The following CPD variants were observed in gnomAD, a reference collection of about 807,000 sequenced individuals.
CPD encodes metallocarboxypeptidase D.
Under a neutral mutation model 138.3 loss-of-function variants are expected in CPD, and 69 were observed. The ratio of observed to expected loss-of-function variants is 0.50; its 90% CI spans 0.41 to 0.61. The LOEUF (loss-of-function observed/expected upper bound fraction) is 0.61. Among genes scored for constraint, CPD ranks in the 20% least tolerant of loss-of-function variants. CPD has a pLI of 0.00. For synonymous variants in CPD, 651 were observed against 642.1 expected (o/e 1.01, Z -0.21); for missense variants, 1,432 against 1,733.3 (o/e 0.83, Z 3.09).
In CPD at chr17:30,379,642, C is replaced by T. The variant is rs1450226279; in HGVS notation, c.662C>T (p.Pro221Leu). ...SRGRDLNRSF[P>L]DQFSTGEPPA... ...GGCCGCGACCTCAACCGAAGCTTTC[C>T]CGACCAGTTTAGCACCGGCGAACCC... The change falls in exon 1 of 21, where the codon CCC becomes CTC. Residue 221 changes from proline to leucine, a missense_variant. By Grantham distance (98) the Pro-to-Leu change is moderately conservative. Coordinates refer to ENST00000225719, the MANE Select transcript of CPD (RefSeq NM_001304.5). This position sits in a 1 kb window ranked among gnomAD's most constrained non-coding sequence, Gnocchi z 7.0. 2 of 1,514,668 alleles carry T rather than the reference C, an allele frequency of 1.3e-6. No homozygotes were observed. The highest frequency in any genetic ancestry group is 1.7e-6 in the Non-Finnish European group (2 of 1,147,422). The allele number at this position is 1,514,668 out of a possible 1,614,324, so 93.8% of individuals were successfully genotyped here.
chr17:30,426,419 G>A (rs1567875916), intron 6 of CPD, among the ~76,000 whole-genome samples: 1 of 152,188 alleles, frequency 6.6e-6, no homozygotes, highest in Non-Finnish European at 1.5e-5. Flanking sequence ...ACTAGAGAAT[G>A]GGTTGATTGG....
chr17:30,405,884 GA>G (rs1911789671), intron 2 of CPD, among the ~76,000 whole-genome samples: 1 of 151,854 alleles, frequency 6.6e-6, no homozygotes, highest in Non-Finnish European at 1.5e-5. Flanking sequence ...TTAATTTGGG[GA>G]AATTTGATAT....
intron 17 of CPD, among the ~76,000 whole-genome samples, chr17:30,458,449 G>T (rs189833261): frequency 6.6e-6 from 1 of 152,184 alleles, no homozygotes; most frequent in African/African-American, 2.4e-5. Context: ...AAGATGCCCC[G>T]CCCCACCCCA....
chr17:30,405,136 T>C (rs1439298195), intron 2 of CPD, among the ~76,000 whole-genome samples: 4 of 152,144 alleles, frequency 2.6e-5, no homozygotes, highest in Admixed American at 2.6e-4. Flanking sequence ...AAACCGTCTG[T>C]GGTCTTTCCC....
Position 30,466,856 on chromosome 17 carries a change from G to A in CPD, c.*2042G>A, listed in dbSNP as rs1913655335. 1 of 152,284 alleles carries A rather than the reference G, an allele frequency of 6.6e-6. No homozygotes were observed. The highest frequency in any genetic ancestry group is 1.5e-5 in the Non-Finnish European group (1 of 68,016). 9.4% of individuals were successfully genotyped at this position (152,284 alleles called of 1,614,324 possible). A position where few individuals can be genotyped will look rare whatever the true frequency, so the allele number is the denominator to read the frequency against. On this transcript the variant is annotated 3_prime_UTR_variant, in exon 21 of 21. Coordinates refer to ENST00000225719, the MANE Select transcript of CPD (RefSeq NM_001304.5). ...GCTGGAGGCCATGCCTTTTAAGCAT[G>A]TGTAAAATTTTTAAAGAAATGAACA...
chr17:30,393,233 A>G (rs1354460310), intron 2 of CPD, among the ~76,000 whole-genome samples: 2 of 152,230 alleles, frequency 1.3e-5, no homozygotes, highest in Non-Finnish European at 2.9e-5. Flanking sequence ...CAGACTGAGC[A>G]GTAGCAGTGT....
chr17:30,391,591 G>A (rs1394454150), intron 2 of CPD, among the ~76,000 whole-genome samples: 1 of 152,176 alleles, frequency 6.6e-6, no homozygotes, highest in Non-Finnish European at 1.5e-5. Context: ...GCAGTGCAAT[G>A]TAGTGGCAAA....
At chr17:30,461,115 C>A in intron 17 of CPD, 65 bp from the exon 18 acceptor site, 1 of 1,310,086 alleles carries the variant, frequency 7.6e-7, no homozygotes, top group South Asian at 1.6e-5. Flanking sequence ...TGTTGTATTA[C>A]AAAGCCTTAT....
At chr17:30,380,234 G>A in intron 1 of CPD, 1 of 171,616 alleles carries the variant, frequency 5.8e-6, no homozygotes. Context: ...GATTTACATA[G>A]GAGTGTGGCT....
At position 30,385,149 on chromosome 17, in the gene CPD, A is replaced by G; in HGVS notation, c.907A>G (p.Lys303Glu). ...KAYASNHPIMKTGEPHCPGDE... is the reference protein window; with the variant it reads ...KAYASNHPIMETGEPHCPGDE... The stretch of plus-strand genomic sequence containing the variant: ...TTATGCTTCAAACCACCCCATAATG[A>G]AAACTGGTGAGCCTCATTGTCCAGG... Residue 303 changes from lysine (K) to glutamate (E), a missense_variant, in exon 2 of 21, where the codon AAA becomes GAA. Around this residue, in one of 6 missense-constraint regions of CPD, gnomAD observed 484 missense variants for 477.2 expected, o/e 1.01. Coordinates refer to ENST00000225719, the MANE Select transcript of CPD (RefSeq NM_001304.5). 6.2e-7 allele frequency: 1 copy of G among 1,614,092 alleles called. No individual in the cohort carries two copies.
rs751850255 is a variant in CPD, at chr17:30,456,472, T to G, written c.3444T>G (p.Ile1148Met). The change falls in exon 17 of 21, where the codon ATT becomes ATG. Residue 1148 changes from isoleucine (I) to methionine (M), a missense_variant. Around this residue, in one of 6 missense-constraint regions of CPD, gnomAD observed 366 missense variants for 518.8 expected, o/e 0.71. Coordinates refer to ENST00000225719, the MANE Select transcript of CPD (RefSeq NM_001304.5). The stretch of plus-strand genomic sequence containing the variant: ...TTAATGCTTTTATAGATGAGAATAT[T>G]CCAGGAGGAGTAATGCGTGGAGCAG... ...PSCPNKSDEN[I>M]PGGVMRGAEW... The G allele has an allele frequency of 6.2e-7, 1 of 1,614,146 alleles. No homozygotes were observed.
At chr17:30,405,887 A>C (rs1277474141) in intron 2 of CPD, among the ~76,000 whole-genome samples, 1 of 152,022 alleles carries the variant, frequency 6.6e-6, no homozygotes, top group African/African-American at 2.4e-5. Flanking sequence ...ATTTGGGGAA[A>C]TTTGATATTT....
Position 30,439,024 on chromosome 17 carries a change from A to G in CPD, c.2177A>G (p.Asn726Ser). ...QGRPCKNMYP[N>S]EYFPHGITNG... ...AGACCTTGCAAGAATATGTATCCTA[A>G]TGAATATTTTCCTCATGGAATAACA... Residue 726 changes from asparagine (N) to serine (S), a missense_variant, in exon 9 of 21, where the codon AAT (asparagine) becomes AGT (serine). By Grantham distance (46) the Asn-to-Ser change is conservative. This residue lies in a region of CPD where 297 missense variants were observed against 405.3 expected (regional missense o/e 0.73). Transcript: ENST00000225719. The G allele has an allele frequency of 1.3e-6, 2 of 1,590,078 alleles. No individual in the cohort carries two copies. The highest frequency in any genetic ancestry group is 1.7e-6 in the Non-Finnish European group (2 of 1,173,460).
At chr17:30,460,113 C>T (rs1183527955) in intron 17 of CPD, among the ~76,000 whole-genome samples, 1 of 152,166 alleles carries the variant, frequency 6.6e-6, no homozygotes, top group African/African-American at 2.4e-5. Flanking sequence ...TATATCTAGT[C>T]AGAGATACAG....
chr17:30,402,473 C>T (rs978605987), intron 2 of CPD, among the ~76,000 whole-genome samples: 3 of 151,910 alleles, frequency 2.0e-5, no homozygotes, highest in African/African-American at 4.8e-5. Flanking sequence ...GGCTGAGGGA[C>T]GAGAATTGCT....
chr17:30,417,182 CT>C (rs760723588), intron 2 of CPD, among the ~76,000 whole-genome samples: 8 of 151,628 alleles, frequency 5.3e-5, no homozygotes, highest in Non-Finnish European at 7.4e-5. Context: ...TCTGCTTCCC[CT>C]ATGTAAGAAT....
At chr17:30,423,132 A>C in intron 5 of CPD, 109 bp downstream of exon 5, 1 of 777,468 alleles carries the variant, frequency 1.3e-6, no homozygotes, top group Non-Finnish European at 2.0e-6. Context: ...AACTGGCATT[A>C]AGAAAACCTA....
intron 1 of CPD, among the ~76,000 whole-genome samples, chr17:30,384,749 A>C (rs1911135511): frequency 6.6e-6 from 1 of 152,240 alleles, no homozygotes; most frequent in Non-Finnish European, 1.5e-5. Context: ...CTTTAAAGTT[A>C]GTTTAGGTTA....
chr17:30,382,433 A>G (rs371005136), intron 1 of CPD, among the ~76,000 whole-genome samples: 7 of 152,346 alleles, frequency 4.6e-5, no homozygotes, highest in South Asian at 2.1e-4. Flanking sequence ...AATGGAAACC[A>G]TAAAGTACCT....
Sources: allele counts gnomAD v4.1 joint callset (sites outside exome capture counted in the v4.1 genomes callset), GRCh38; gene constraint gnomAD v4.1.1; regional missense constraint gnomAD v4.1.1; non-coding constraint Gnocchi (gnomAD v3.1); transcripts MANE v1.5; gene names NCBI Gene and HGNC (gene_info 2026-07-23, HGNC 2026-07-21).